Variants in SHISA9 observed in about 807,000 individuals in gnomAD.
SHISA9 encodes shisa family member 9.
A neutral mutation model predicts 38.0 loss-of-function variants in SHISA9; 13 were observed. That is an observed-to-expected ratio of 0.34 (90% CI 0.22 to 0.54). SHISA9 has a LOEUF of 0.54. Ranked by LOEUF, SHISA9 falls within the 20% of genes least tolerant of loss-of-function variation. SHISA9 has a pLI of 0.91. For synonymous variants in SHISA9, 275 were observed against 242.0 expected, an observed-to-expected ratio of 1.14 and a Z score of -1.27; for missense variants, 538 against 575.8, an observed-to-expected ratio of 0.93 and a Z score of 0.67.
intron 2 of SHISA9, among the ~76,000 whole-genome samples, chr16:12,926,971 A>G (rs1353385518): frequency 1.3e-5 from 2 of 152,178 alleles, no homozygotes; most frequent in Non-Finnish European, 2.9e-5. Flanking sequence ...GAAAATAAGA[A>G]TGCCAGGTCG....
chr16:13,211,953 C>T (rs902630931), intron 3 of SHISA9, among the ~76,000 whole-genome samples: 2 of 152,096 alleles, frequency 1.3e-5, no homozygotes, highest in Non-Finnish European at 2.9e-5. Flanking sequence ...CCTGGGTGGG[C>T]CCGACTCAGT....
At chr16:13,046,360 G>A (rs1268282556) in intron 2 of SHISA9, among the ~76,000 whole-genome samples, 3 of 152,178 alleles carry the variant, frequency 2.0e-5, no homozygotes, top group Non-Finnish European at 4.4e-5. Context: ...TCAGGCACTC[G>A]GAAAGCTGAA....
chr16:12,908,708 T>A (rs2071138784), intron 1 of SHISA9: 12 of 1,479,936 alleles, frequency 8.1e-6, no homozygotes, highest in African/African-American at 1.4e-5. Flanking sequence ...CGGGGCCAGT[T>A]CAAGAAGCTA....
intron 2 of SHISA9, among the ~76,000 whole-genome samples, chr16:13,021,610 TGAA>T (rs2072855336): frequency 6.6e-6 from 1 of 152,192 alleles, no homozygotes; most frequent in African/African-American, 2.4e-5. Context: ...GGGAGCAGGA[TGAA>T]GAAGAAACGG....
chr16:13,120,093 T>C (rs1370461369), intron 2 of SHISA9, among the ~76,000 whole-genome samples: 1 of 152,138 alleles, frequency 6.6e-6, no homozygotes, highest in Non-Finnish European at 1.5e-5. Context: ...AAATTACAGC[T>C]GGTCACGAGA....
chr16:13,495,419 A>T, the SHISA9 span, among the ~76,000 whole-genome samples: 1 of 152,170 alleles, frequency 6.6e-6, no homozygotes, highest in South Asian at 2.1e-4. Context: ...ATTAAGAAAG[A>T]TAATATATAC....
At chr16:13,356,541 G>C in the SHISA9 span, among the ~76,000 whole-genome samples, 1 of 152,142 alleles carries the variant, frequency 6.6e-6, no homozygotes, top group South Asian at 2.1e-4. Context: ...GTGTGAGGAG[G>C]GGAGGTGATA....
Position 12,902,274 on chromosome 16 carries a change from G to T in SHISA9, c.210G>T (p.Thr70=), listed in dbSNP as rs1468175956. 3 of 1,548,710 alleles carry T rather than the reference G, an allele frequency of 1.9e-6. No individual in the cohort carries two copies. Among genetic ancestry groups the T allele is most frequent in the Non-Finnish European group, 2.6e-6 (3 of 1,146,888 alleles). The stretch of plus-strand genomic sequence containing the variant: ...ACGCGCCCCCGACCCGGGCGCCCAC[G>T]CCGGACTTCTGCCGGGGCTACTTCG... ...ASDAPPTRAP[T]PDFCRGYFDV... The change falls in exon 1 of 5, where the codon ACG becomes ACT. Residue 70 remains threonine (T), a synonymous_variant. Transcript: ENST00000558583.
At chr16:13,220,466 A>G (rs1054417600) in intron 4 of SHISA9, among the ~76,000 whole-genome samples, 3 of 152,216 alleles carry the variant, frequency 2.0e-5, no homozygotes, top group Non-Finnish European at 4.4e-5. Flanking sequence ...GAATTGATTC[A>G]TGCATTAATC....
the SHISA9 span, among the ~76,000 whole-genome samples, chr16:13,290,912 C>T: frequency 3.3e-5 from 5 of 152,184 alleles, no homozygotes; most frequent in African/African-American, 1.2e-4. Context: ...ACTAGAGCCC[C>T]ATCATTTAGC....
At chr16:13,011,819 C>A (rs1191342936) in intron 2 of SHISA9, among the ~76,000 whole-genome samples, 1 of 151,826 alleles carries the variant, frequency 6.6e-6, no homozygotes, top group Non-Finnish European at 1.5e-5. Context: ...CCGTGCCTGG[C>A]CTTTGACTTT....
the SHISA9 span, chr16:13,331,953 T>G: frequency 6.6e-6 from 1 of 152,328 alleles, no homozygotes; most frequent in Middle Eastern, 3.4e-3. Context: ...CAGAAAGTAC[T>G]CTCTTTGGTC....
At chr16:12,986,955 A>G (rs982817978) in intron 2 of SHISA9, among the ~76,000 whole-genome samples, 1 of 152,204 alleles carries the variant, frequency 6.6e-6, no homozygotes, top group Non-Finnish European at 1.5e-5. Context: ...ATTAGATGAT[A>G]TCACACCTGA....
At chr16:13,118,728 T>A (rs1322535187) in intron 2 of SHISA9, among the ~76,000 whole-genome samples, 1 of 92,096 alleles carries the variant, frequency 1.1e-5, no homozygotes, top group Non-Finnish European at 2.0e-5. Context: ...CTTTTCTTTT[T>A]TCTTTTTTTT....
At chr16:13,304,262 T>C in the SHISA9 span, among the ~76,000 whole-genome samples, 1 of 152,350 alleles carries the variant, frequency 6.6e-6, no homozygotes, top group Non-Finnish European at 1.5e-5. Context: ...GGAAGTTGCC[T>C]TTTATTTTAT....
intron 2 of SHISA9, among the ~76,000 whole-genome samples, chr16:13,084,666 G>T (rs906336069): frequency 1.3e-5 from 2 of 152,168 alleles, no homozygotes; most frequent in Non-Finnish European, 2.9e-5. Context: ...GTGCTATGAA[G>T]AGGTTCGGGA....
the SHISA9 span, among the ~76,000 whole-genome samples, chr16:13,469,763 G>C: frequency 6.9e-6 from 1 of 145,976 alleles, no homozygotes; most frequent in Non-Finnish European, 1.5e-5. Flanking sequence ...CAATTAACCA[G>C]AGTATGAGAT....
chr16:13,019,785 TTTC>T (rs1253278169), intron 2 of SHISA9, among the ~76,000 whole-genome samples: 2 of 125,510 alleles, frequency 1.6e-5, no homozygotes, highest in African/African-American at 6.2e-5. Context: ...TCTTTCTTTC[TTTC>T]TTTCTTTCTT....
chr16:13,055,607 C>A (rs1031227617), intron 2 of SHISA9, among the ~76,000 whole-genome samples: 2 of 152,124 alleles, frequency 1.3e-5, no homozygotes, highest in Non-Finnish European at 2.9e-5. Flanking sequence ...CATTGAAGTA[C>A]GAGCCAGCAT....
Sources: gnomAD v4.1 joint callset for allele counts (sites outside exome capture counted in the v4.1 genomes callset) on GRCh38, gnomAD v4.1.1 for gene constraint, MANE v1.5 for transcripts, NCBI Gene and HGNC (gene_info 2026-07-23, HGNC 2026-07-21) for gene names.